The following SCLT1 variants were observed in gnomAD, a reference collection of about 807,000 sequenced individuals.
SCLT1 encodes sodium channel and clathrin linker 1.
A neutral mutation model predicts 112.8 loss-of-function variants in SCLT1; 78 were observed. That is an observed-to-expected ratio of 0.69 (90% confidence interval 0.58 to 0.83). The LOEUF is 0.83. SCLT1 is among the 40% of genes least tolerant of loss of function. SCLT1 has a pLI of 0.00. For missense variants in SCLT1, 747 were observed against 770.4 expected (o/e 0.97, Z 0.36); for synonymous variants, 257 against 254.7 (o/e 1.01, Z -0.09).
chr4:128,988,628 T>A (rs72922091), intron 9 of SCLT1, among the ~76,000 whole-genome samples: 1,552 of 151,802 alleles, frequency 0.01, 15 homozygotes, highest in African/African-American at 0.028. Context: ...GTGAGTCCTT[T>A]CCTATTACTA....
At chr4:129,043,542 T>A (rs1165234704) in intron 3 of SCLT1, 75 bp from the exon 4 acceptor site, 2 of 666,918 alleles carry the variant, frequency 3.0e-6, no homozygotes, top group Non-Finnish European at 5.0e-6. Context: ...TGAAATAAAT[T>A]ACACATAAAA....
At chr4:128,923,653 C>G (rs1240591715) in intron 18 of SCLT1, among the ~76,000 whole-genome samples, 2 of 148,292 alleles carry the variant, frequency 1.3e-5, no homozygotes, top group African/African-American at 5.0e-5. Context: ...TTTTTTCAAT[C>G]TCCTTTTTGA....
At chr4:129,009,072 C>T in intron 5 of SCLT1, among the ~76,000 whole-genome samples, 1 of 152,164 alleles carries the variant, frequency 6.6e-6, no homozygotes, top group East Asian at 1.9e-4. Context: ...TGTTGATGGG[C>T]ATCTAGGTTG....
chr4:129,013,799 T>C (rs1744756261), intron 5 of SCLT1, among the ~76,000 whole-genome samples: 1 of 152,232 alleles, frequency 6.6e-6, no homozygotes, highest in Non-Finnish European at 1.5e-5. Context: ...GATGATCTTC[T>C]TCTAACTTAT....
intron 9 of SCLT1, among the ~76,000 whole-genome samples, chr4:128,991,890 G>A (rs1278237825): frequency 6.6e-6 from 1 of 151,662 alleles, no homozygotes; most frequent in Non-Finnish European, 1.5e-5. Context: ...AAATATATGG[G>A]AAGATGTGCA....
intron 2 of SCLT1, among the ~76,000 whole-genome samples, chr4:129,079,124 C>T (rs896513659): frequency 1.8e-4 from 27 of 152,184 alleles, no homozygotes; most frequent in Admixed American, 1.7e-3. Context: ...TACCATTCGA[C>T]ATTAGATTTG....
In SCLT1 at chr4:128,979,601, A is replaced by T. The variant is rs75896739; in HGVS notation, c.687-9133T>A. On this transcript the variant is annotated intron_variant, in intron 9 of 20. Transcript: ENST00000281142. ...GTGGCATTTTGTTATAGCAGCCCCA[A>T]TGGATTAAGACAATGGCAGAGCCAC... 2.8e-3 allele frequency among the ~76,000 whole-genome samples: 434 copies of T among 152,296 alleles called. 3 individuals carry two copies. Among genetic ancestry groups the T allele is most frequent in the Non-Finnish European group, 4.6e-3 (314 of 68,016 alleles).
chr4:129,080,497 T>C (rs1013676159), intron 2 of SCLT1, among the ~76,000 whole-genome samples: 7 of 152,228 alleles, frequency 4.6e-5, no homozygotes, highest in African/African-American at 1.7e-4. Context: ...TGCCAGTCTC[T>C]TTCTACAACA....
chr4:128,900,530 G>A (rs1734189869), intron 18 of SCLT1, among the ~76,000 whole-genome samples: 1 of 152,148 alleles, frequency 6.6e-6, no homozygotes, highest in Non-Finnish European at 1.5e-5. Context: ...ATCAATTCAA[G>A]ATGGATTAAA....
chr4:128,912,155 G>A (rs1339177276), intron 18 of SCLT1, among the ~76,000 whole-genome samples: 1 of 152,080 alleles, frequency 6.6e-6, no homozygotes. Flanking sequence ...CATCAAACAA[G>A]CCATTTACTT....
intron 14 of SCLT1, among the ~76,000 whole-genome samples, chr4:128,949,239 G>A (rs1465264716): frequency 3.1e-5 from 4 of 127,822 alleles, no homozygotes; most frequent in African/African-American, 1.2e-4. Context: ...TTTTTTTCGT[G>A]AGACAGGTGC....
chr4:128,948,708 C>A (rs1738423523), intron 14 of SCLT1, 138 bp from the exon 15 acceptor site: 1 of 632,164 alleles, frequency 1.6e-6, no homozygotes. Context: ...AAAAACAAAA[C>A]AAAACTCAAT....
chr4:128,986,419 C>G (rs560917377), intron 9 of SCLT1, among the ~76,000 whole-genome samples: 1 of 152,278 alleles, frequency 6.6e-6, no homozygotes, highest in African/African-American at 2.4e-5. Flanking sequence ...GACTGCAGTC[C>G]TAAGGCAAGC....
chr4:128,970,505 T>C (rs773153196), intron 9 of SCLT1, 37 bp from the exon 10 acceptor site: 7 of 1,070,654 alleles, frequency 6.5e-6, no homozygotes, highest in Admixed American at 5.2e-5. Context: ...ACTGTTTTCA[T>C]AGACCACTAA....
intron 2 of SCLT1, among the ~76,000 whole-genome samples, chr4:129,044,794 A>G (rs1453119083): frequency 6.6e-6 from 1 of 150,902 alleles, no homozygotes; most frequent in Non-Finnish European, 1.5e-5. Flanking sequence ...AGTTCCATGA[A>G]TAAGTATGAA....
At chr4:129,033,319 C>T (rs1332639024) in intron 5 of SCLT1, among the ~76,000 whole-genome samples, 1 of 149,126 alleles carries the variant, frequency 6.7e-6, no homozygotes, top group African/African-American at 2.5e-5. Context: ...GGGAGGGGAA[C>T]ATCACACATT....
At chr4:128,974,138 A>G (rs939357029) in intron 9 of SCLT1, among the ~76,000 whole-genome samples, 3 of 152,188 alleles carry the variant, frequency 2.0e-5, no homozygotes, top group Admixed American at 6.5e-5. Flanking sequence ...ATTTTACTGT[A>G]GTTTATACAA....
chr4:128,919,197 TA>T (rs70938446), intron 18 of SCLT1, among the ~76,000 whole-genome samples: 109,473 of 150,534 alleles, frequency 0.73, 39,934 homozygotes, highest in African/African-American at 0.81. Flanking sequence ...CTCAGCAAAT[TA>T]AAAAAAAAAA....
chr4:128,962,836 T>C (rs1739860054), intron 11 of SCLT1, among the ~76,000 whole-genome samples: 1 of 68,442 alleles, frequency 1.5e-5, no homozygotes, highest in African/African-American at 1.6e-4. Flanking sequence ...TACTAAAGAC[T>C]CACCCAACTA....
Sources: allele counts gnomAD v4.1 joint callset (sites outside exome capture counted in the v4.1 genomes callset), GRCh38; gene constraint gnomAD v4.1.1; transcripts MANE v1.5; gene names NCBI Gene and HGNC (gene_info 2026-07-23, HGNC 2026-07-21).